Variants in NID1 observed in about 807,000 individuals in gnomAD.
The protein encoded by NID1 is nidogen-1.
In NID1, 76 loss-of-function variants were observed where a neutral mutation model predicts 130.6. The ratio of observed to expected loss-of-function variants is 0.58; its 90% confidence interval spans 0.48 to 0.70. NID1 has a LOEUF of 0.70. Ranked by LOEUF, NID1 falls within the 30% of genes least tolerant of loss-of-function variation. The pLI is 0.00. For missense variants in NID1, 1,517 were observed against 1,664.8 expected (o/e 0.91, Z 1.54); for synonymous variants, 665 against 675.1 (o/e 0.98, Z 0.23).
Position 236,026,063 on chromosome 1 carries a change from G to A in NID1, c.1817C>T (p.Thr606Ile). 6.2e-7 allele frequency: 1 copy of A among 1,614,024 alleles called. No homozygotes were observed. The change falls in exon 8 of 20, where the codon ACT (threonine) becomes ATT (isoleucine). Residue 606 changes from threonine (T) to isoleucine (I), a missense_variant. Coordinates refer to ENST00000264187, the MANE Select transcript of NID1 (RefSeq NM_002508.3). The stretch of plus-strand genomic sequence containing the variant: ...GGTGATGGTCTGGCGCCACTGGTAA[G>A]TGTAGATGCGTGAAGGAGATGCCCC... ...RDGASPSRIY[T>I]YQWRQTITFQ...
At chr1:236,026,411 G>A (rs1434232591) in intron 7 of NID1, among the ~76,000 whole-genome samples, 2 of 152,202 alleles carry the variant, frequency 1.3e-5, no homozygotes, top group East Asian at 1.9e-4. Context: ...TTCTCTGTAA[G>A]TTTTGAAGAC....
chr1:235,981,904 T>C (rs546136233), intron 15 of NID1, 122 bp from the exon 16 acceptor site: 3 of 860,654 alleles, frequency 3.5e-6, no homozygotes, highest in East Asian at 2.7e-5. Flanking sequence ...AGAAACCAAA[T>C]GGGAATGTGA....
Position 236,048,739 on chromosome 1 carries a change from G to C in NID1, c.476C>G (p.Ser159Cys), listed in dbSNP as rs1269477242. ...PSSAVVVTWE[S>C]VAPYQGPSRD... ...GCTGGGCCCTTGGTAGGGGGCCACG[G>C]ATTCCCAAGTGACAACCACCGCGCT... The change falls in exon 2 of 20, where the codon TCC becomes TGC. Residue 159 changes from serine to cysteine, a missense_variant. Around this residue, in one of 3 missense-constraint regions of NID1, gnomAD observed 1,329 missense variants for 1,429.2 expected, o/e 0.93. Transcript: ENST00000264187. The C allele has an allele frequency of 6.2e-7, 1 of 1,612,820 alleles. No homozygotes were observed. Among genetic ancestry groups the C allele is most frequent in the Admixed American group, 1.7e-5 (1 of 60,008 alleles).
Position 236,024,174 on chromosome 1 carries a change from C to G in NID1, c.2024G>C (p.Gly675Ala). 6.2e-7 allele frequency: 1 copy of G among 1,614,242 alleles called. No individual in the cohort carries two copies. The highest frequency in any genetic ancestry group is 8.5e-7 in the Non-Finnish European group (1 of 1,180,046). ...PDALQNPCYIGTHGCDTNAAC... is the reference protein window; with the variant it reads ...PDALQNPCYIATHGCDTNAAC... Reference sequence around the variant, plus strand: ...CGCGTTGGTGTCACACCCATGAGTGCCGATGTAGCAGGGATTCTGAAGAGC... The same window carrying G: ...CGCGTTGGTGTCACACCCATGAGTGGCGATGTAGCAGGGATTCTGAAGAGC... The change falls in exon 9 of 20, where the codon GGC (glycine) becomes GCC (alanine). Residue 675 changes from glycine to alanine, a missense_variant. By Grantham distance (60) the Gly-to-Ala change is moderately conservative (BLOSUM62 0). Coordinates refer to ENST00000264187, the MANE Select transcript of NID1 (RefSeq NM_002508.3).
chr1:235,980,363 G>T, intron 17 of NID1, 133 bp downstream of exon 17: 1 of 869,320 alleles, frequency 1.2e-6, no homozygotes, highest in Non-Finnish European at 1.7e-6. Flanking sequence ...AGATAAAACC[G>T]TAAAAACCAT....
chr1:236,020,634 C>A (rs1044363459), intron 9 of NID1, among the ~76,000 whole-genome samples: 3 of 151,572 alleles, frequency 2.0e-5, no homozygotes, highest in African/African-American at 7.3e-5. Context: ...CAGCGCTGCA[C>A]ACACTGAATC....
At chr1:236,001,746 A>T (rs537895013) in intron 12 of NID1, among the ~76,000 whole-genome samples, 1 of 152,188 alleles carries the variant, frequency 6.6e-6, no homozygotes, top group African/African-American at 2.4e-5. Context: ...AGGCAAACAA[A>T]GAAGGGAAAA....
In NID1 at chr1:236,062,405, C is replaced by A. The variant is rs1271078404; in HGVS notation, c.225+2450G>T. Among the ~76,000 whole-genome samples the A allele has an allele frequency of 3.3e-5, 5 of 152,176 alleles. No individual in the cohort carries two copies. The South Asian group carries it at 1.0e-3, about 32-fold the overall frequency. ...ATCCCAACACTTTGGGAGGCCAAGGCGGGCGGATCACCTGAGGTCAGGAGT... is the reference window on the plus strand; with the variant it reads ...ATCCCAACACTTTGGGAGGCCAAGGAGGGCGGATCACCTGAGGTCAGGAGT... On this transcript the variant is annotated intron_variant, in intron 1 of 19. Coordinates refer to ENST00000264187, the MANE Select transcript of NID1 (RefSeq NM_002508.3).
At chr1:235,990,665 G>A (rs1558423118) in intron 14 of NID1, among the ~76,000 whole-genome samples, 1 of 152,214 alleles carries the variant, frequency 6.6e-6, no homozygotes, top group Non-Finnish European at 1.5e-5. Context: ...TTGAGCAGCT[G>A]CTGAAAGATG....
chr1:236,029,634 G>C lies in NID1; in HGVS notation c.1654C>G (p.Leu552Val). Residue 552 changes from leucine to valine, a missense_variant, in exon 7 of 20, where the codon CTG becomes GTG. Physicochemically the swap from Leu to Val is conservative, Grantham distance 32 (BLOSUM62 1). Transcript: ENST00000264187. Reference sequence around the variant, plus strand: ...GGAATCTGCGGCACGCGGCCCTCCAGCTCCGTGTCGATGGTCAGGTGCCCA... The same window carrying C: ...GGAATCTGCGGCACGCGGCCCTCCACCTCCGTGTCGATGGTCAGGTGCCCA... ...EHGHLTIDTE[L>V]EGRVPQIPFG... 1 of 1,611,942 alleles carries C rather than the reference G, an allele frequency of 6.2e-7. No homozygotes were observed. The highest frequency in any genetic ancestry group is 8.5e-7 in the Non-Finnish European group (1 of 1,179,234).
Position 235,993,842 on chromosome 1 carries a change from C to T in NID1, c.2558G>A (p.Arg853Gln), listed in dbSNP as rs1168383337. 2.2e-5 allele frequency: 36 copies of T among 1,613,520 alleles called. No homozygotes were observed. The East Asian group carries it at 4.5e-4, about 20-fold the overall frequency. Residue 853 changes from arginine to glutamine, a missense_variant, in exon 13 of 20, where the codon CGA (arginine) becomes CAA (glutamine). Arg to Gln is a conservative substitution (Grantham distance 43, BLOSUM62 1). Transcript: ENST00000264187. ...EVEKTRCQHE[R>Q]EHILGAAGAT... Reference sequence around the variant, plus strand: ...CCCCGCTGCCCCGAGAATGTGTTCTCGCTCGTGCTGGCACCGGGTTTTCTC... The same window carrying T: ...CCCCGCTGCCCCGAGAATGTGTTCTTGCTCGTGCTGGCACCGGGTTTTCTC...
rs1658917724 is a variant in NID1 at position 236,025,993 on chromosome 1, G to A, written c.1887C>T (p.Ser629=). The A allele has an allele frequency of 1.2e-6, 2 of 1,613,666 alleles. No homozygotes were observed. Among genetic ancestry groups the A allele is most frequent in the African/African-American group, 2.7e-5 (2 of 74,840 alleles). The change falls in exon 8 of 20, where the codon AGC becomes AGT. Residue 629 remains serine, a synonymous_variant. Coordinates refer to ENST00000264187, the MANE Select transcript of NID1 (RefSeq NM_002508.3). ...CGCTGTCCACCGAGAGCTGCTGGGT[G>A]CTGGGCAGGGCTGGCCGGGAGTCAT... ...VHDDSRPALP[S]TQQLSVDSVF...
chr1:236,022,879 A>G (rs1658805818), intron 9 of NID1, among the ~76,000 whole-genome samples: 1 of 151,586 alleles, frequency 6.6e-6, no homozygotes. Flanking sequence ...CCTGGCCAAC[A>G]TGGTGAAAGC....
chr1:235,985,627 T>C, intron 14 of NID1, 122 bp from the exon 15 acceptor site: 1 of 1,152,530 alleles, frequency 8.7e-7, no homozygotes, highest in South Asian at 1.6e-5. Context: ...TTTTGTTCAT[T>C]TAAAAATTTT....
chr1:235,982,617 A>G (rs1046714907), intron 15 of NID1, among the ~76,000 whole-genome samples: 6 of 152,226 alleles, frequency 3.9e-5, no homozygotes, highest in African/African-American at 1.4e-4. Context: ...ACTGGGTAAC[A>G]TGAACCTTCA....
chr1:236,002,879 AC>A (rs1658121787), intron 12 of NID1, among the ~76,000 whole-genome samples: 1 of 151,680 alleles, frequency 6.6e-6, no homozygotes, highest in African/African-American at 2.4e-5. Flanking sequence ...CCTGGTTTGG[AC>A]CCTCCTCAAC....
At chr1:236,045,758 T>C in intron 2 of NID1, 75 bp from the exon 3 acceptor site, 1 of 1,196,726 alleles carries the variant, frequency 8.4e-7, no homozygotes, top group Non-Finnish European at 1.2e-6. Context: ...CGCCAGACTA[T>C]CTATAAAGCG....
At chr1:235,998,821 A>G (rs1658000322) in intron 12 of NID1, among the ~76,000 whole-genome samples, 1 of 152,158 alleles carries the variant, frequency 6.6e-6, no homozygotes, top group African/African-American at 2.4e-5. Context: ...TTGCAATCCT[A>G]TGTGATAAGC....
chr1:235,985,662 C>T (rs547239398), intron 14 of NID1, among the ~76,000 whole-genome samples, 157 bp from the exon 15 acceptor site: 1 of 151,324 alleles, frequency 6.6e-6, no homozygotes, highest in East Asian at 1.9e-4. Flanking sequence ...AGGAGTTGTT[C>T]GTATATTTCA....
Sources: allele counts gnomAD v4.1 joint callset (sites outside exome capture counted in the v4.1 genomes callset), GRCh38; gene constraint gnomAD v4.1.1; regional missense constraint gnomAD v4.1.1; transcripts MANE v1.5; gene names NCBI Gene and HGNC (gene_info 2026-07-23, HGNC 2026-07-21).